Variants in C12orf42 observed in about 807,000 individuals in gnomAD.
C12orf42 encodes the protein uncharacterized protein C12orf42.
C12orf42 carries 25 observed loss-of-function variants against 21.6 expected under a neutral mutation model. That is an observed-to-expected ratio of 1.16 (90% CI 0.84 to 1.62). C12orf42 has a LOEUF of 1.62. Among genes scored for constraint, C12orf42 ranks in the 40% most tolerant of loss-of-function variants. C12orf42 has a pLI of 0.00. For missense variants in C12orf42, 483 were observed against 459.3 expected (o/e 1.05, Z -0.47); for synonymous variants, 174 against 175.0 (o/e 0.99, Z 0.05).
chr12:103,238,369 C>T (rs1313487224), intron 10 of C12orf42, among the ~76,000 whole-genome samples: 2 of 152,114 alleles, frequency 1.3e-5, no homozygotes, highest in Admixed American at 1.3e-4. Context: ...AGTTTTGATA[C>T]TCCAAGTATT....
the C12orf42 span, among the ~76,000 whole-genome samples, chr12:103,085,685 T>C: frequency 9.9e-5 from 15 of 152,208 alleles, no homozygotes; most frequent in Non-Finnish European, 1.9e-4. Context: ...GCCATTCATT[T>C]ACAGAAACCA....
chr12:103,467,512 T>A (rs1029513446), intron 2 of C12orf42, among the ~76,000 whole-genome samples: 10 of 152,144 alleles, frequency 6.6e-5, no homozygotes, highest in Non-Finnish European at 1.5e-5. Flanking sequence ...GCCTGCAGAT[T>A]CCTGATGGTA....
intron 2 of C12orf42, among the ~76,000 whole-genome samples, chr12:103,471,253 GA>G (rs1953579511): frequency 6.6e-6 from 1 of 152,032 alleles, no homozygotes; most frequent in African/African-American, 2.4e-5. Flanking sequence ...CATTGAAAAA[GA>G]GACTTGAAAG....
intron 2 of C12orf42, among the ~76,000 whole-genome samples, chr12:103,472,575 C>T (rs1364282423): frequency 1.3e-5 from 2 of 152,164 alleles, no homozygotes; most frequent in African/African-American, 4.8e-5. Context: ...TCTAGATTTT[C>T]TGACCATCAG....
At chr12:103,447,775 G>A (rs530165248) in intron 2 of C12orf42, among the ~76,000 whole-genome samples, 8 of 151,770 alleles carry the variant, frequency 5.3e-5, no homozygotes, top group South Asian at 2.1e-4. Context: ...ACTACAAAAC[G>A]CTGCTGAAAA....
chr12:103,077,254 A>T, the C12orf42 span, among the ~76,000 whole-genome samples: 1 of 152,346 alleles, frequency 6.6e-6, no homozygotes, highest in East Asian at 1.9e-4. Context: ...TACCTCATGT[A>T]GAAAACATCC....
chr12:103,095,133 T>A, the C12orf42 span, among the ~76,000 whole-genome samples: 1 of 152,180 alleles, frequency 6.6e-6, no homozygotes, highest in Non-Finnish European at 1.5e-5. Context: ...TGGATTATGG[T>A]AATAGCCCCC....
At chr12:103,200,936 G>A in the C12orf42 span, among the ~76,000 whole-genome samples, 46 of 152,122 alleles carry the variant, frequency 3.0e-4, no homozygotes, top group African/African-American at 1.1e-3. Flanking sequence ...ATAAAAATCT[G>A]TGCTTTGGGA....
the C12orf42 span, among the ~76,000 whole-genome samples, chr12:103,129,677 G>GT: frequency 6.6e-6 from 1 of 152,166 alleles, no homozygotes; most frequent in Non-Finnish European, 1.5e-5. Context: ...TTTAAGGCAT[G>GT]TTTTTCTCTA....
intron 5 of C12orf42, chr12:103,277,062 A>G (rs1010069280): frequency 6.7e-6 from 3 of 450,606 alleles, no homozygotes; most frequent in Non-Finnish European, 1.3e-5. Context: ...AAGTGCTATT[A>G]CTAATCAAGT....
chr12:103,295,855 AT>A (rs974191482), intron 4 of C12orf42, among the ~76,000 whole-genome samples: 25 of 151,852 alleles, frequency 1.6e-4, no homozygotes, highest in African/African-American at 5.8e-4. Flanking sequence ...TGTAATCCCA[AT>A]TTTTTTAAAT....
At chr12:103,278,200 G>A (rs756828115) in intron 4 of C12orf42, among the ~76,000 whole-genome samples, 1 of 152,094 alleles carries the variant, frequency 6.6e-6, no homozygotes, top group African/African-American at 2.4e-5. Context: ...GCAACAATGG[G>A]GGGGCTATGT....
At chr12:103,243,217 A>G (rs972735669) in intron 10 of C12orf42, among the ~76,000 whole-genome samples, 2 of 151,896 alleles carry the variant, frequency 1.3e-5, no homozygotes, top group Non-Finnish European at 2.9e-5. Context: ...TTCAGAGATG[A>G]GGTCTCACTA....
At chr12:103,419,709 T>C (rs2049697190) in intron 2 of C12orf42, among the ~76,000 whole-genome samples, 1 of 152,204 alleles carries the variant, frequency 6.6e-6, no homozygotes, top group South Asian at 2.1e-4. Flanking sequence ...TTTCCCCAGC[T>C]TGACCTTGGC....
At chr12:103,516,676 C>A in the C12orf42 span, among the ~76,000 whole-genome samples, 1 of 152,292 alleles carries the variant, frequency 6.6e-6, no homozygotes, top group Admixed American at 6.5e-5. Context: ...CCCAATGACC[C>A]AGTCACTTTC....
intron 1 of C12orf42, among the ~76,000 whole-genome samples, chr12:103,489,351 T>C (rs1363223693): frequency 2.0e-5 from 3 of 152,162 alleles, no homozygotes; most frequent in Non-Finnish European, 4.4e-5. Context: ...CCCACCTGTA[T>C]GAGGTGACTG....
intron 4 of C12orf42, among the ~76,000 whole-genome samples, chr12:103,321,730 T>C (rs1391471689): frequency 3.3e-4 from 48 of 146,702 alleles, no homozygotes; most frequent in African/African-American, 1.0e-3. Context: ...ATGGATGAAA[T>C]TGGAAATCAT....
At chr12:103,242,114 A>G (rs999211079) in intron 10 of C12orf42, among the ~76,000 whole-genome samples, 15 of 152,122 alleles carry the variant, frequency 9.9e-5, no homozygotes, top group African/African-American at 3.1e-4. Flanking sequence ...CATGGAGTCA[A>G]CTACTCTTCC....
At chr12:103,090,581 T>C in the C12orf42 span, among the ~76,000 whole-genome samples, 1 of 152,356 alleles carries the variant, frequency 6.6e-6, no homozygotes, top group South Asian at 2.1e-4. Flanking sequence ...CATTGAGCTA[T>C]GTAAATAATG....
Sources: gnomAD v4.1 joint callset for allele counts (sites outside exome capture counted in the v4.1 genomes callset) on GRCh38, gnomAD v4.1.1 for gene constraint, MANE v1.5 for transcripts, NCBI Gene and HGNC (gene_info 2026-07-23, HGNC 2026-07-21) for gene names.